Variants in DYNC2H1 observed in about 807,000 individuals in gnomAD.
DYNC2H1 encodes cytoplasmic dynein 2 heavy chain 1.
Under a neutral mutation model 570.0 loss-of-function variants are expected in DYNC2H1, and 410 were observed. That is an observed-to-expected ratio of 0.72 (90% CI 0.66 to 0.78). The LOEUF (loss-of-function observed/expected upper bound fraction) is 0.78. Among genes scored for constraint, DYNC2H1 ranks in the 30% least tolerant of loss-of-function variants. The probability of loss-of-function intolerance (pLI) is 0.00; values close to 1 mark genes in which losing one functional copy is unlikely to be tolerated. For synonymous variants in DYNC2H1, 1,688 were observed against 1,677.6 expected, an observed-to-expected ratio of 1.01 and a Z score of -0.15; for missense variants, 4,865 against 5,046.4, an observed-to-expected ratio of 0.96 and a Z score of 1.09.
chr11:103,137,649 G>C (rs944147764), intron 17 of DYNC2H1, among the ~76,000 whole-genome samples: 13 of 152,026 alleles, frequency 8.6e-5, no homozygotes, highest in Non-Finnish European at 4.4e-5. Flanking sequence ...ATAGTTTGAA[G>C]TCAGGTAGCG....
intron 83 of DYNC2H1, among the ~76,000 whole-genome samples, chr11:103,390,880 G>A (rs1298386400): frequency 6.6e-6 from 1 of 152,256 alleles, no homozygotes; most frequent in South Asian, 2.1e-4. Context: ...TTAGTCTGAT[G>A]GGCTTCCCTT....
rs112514867 is a variant in DYNC2H1 at position 103,264,426 on chromosome 11, C to T, written c.10695+4449C>T. ...AAAAAAGAAAATTTCAGGCCAATATCGCTGATGAACATTGATTAGAAAATC... is the reference window on the plus strand; with the variant it reads ...AAAAAAGAAAATTTCAGGCCAATATTGCTGATGAACATTGATTAGAAAATC... On this transcript the variant is annotated intron_variant, in intron 70 of 88. Transcript: ENST00000375735. The surrounding 1 kb of genome is among the most constrained non-coding windows in gnomAD (Gnocchi z 4.8). 6.6e-6 allele frequency among the ~76,000 whole-genome samples: 1 copy of T among 152,254 alleles called. No individual in the cohort carries two copies. The highest frequency in any genetic ancestry group is 2.4e-5 in the African/African-American group (1 of 41,540).
chr11:103,367,735 TTGTTGAACAACC>T (rs1243181756), intron 83 of DYNC2H1, among the ~76,000 whole-genome samples: 1 of 152,160 alleles, frequency 6.6e-6, no homozygotes, highest in African/African-American at 2.4e-5. Flanking sequence ...AACTTTGTAC[TTGTTGAACAACC>T]TCTTTTTATC....
rs1276261786 is a variant in DYNC2H1, at chr11:103,254,559, GTTACT to G, written c.10207-852_10207-848del. Among the ~76,000 whole-genome samples the G allele has an allele frequency of 6.6e-6, 1 of 152,064 alleles. No homozygotes were observed. Among genetic ancestry groups the G allele is most frequent in the African/African-American group, 2.4e-5 (1 of 41,408 alleles). Reference sequence around the variant, plus strand: ...TTTAGTGGAATTGCTGGGTCTTATGGTTACTTTATATTTGGCAATTTGAGAAACAA... The same window carrying G: ...TTTAGTGGAATTGCTGGGTCTTATGGTTATATTTGGCAATTTGAGAAACAA... On this transcript the variant is annotated intron_variant, in intron 66 of 88. Coordinates refer to ENST00000375735, the MANE Select transcript of DYNC2H1 (RefSeq NM_001377.3). This position sits in a 1 kb window ranked among gnomAD's most constrained non-coding sequence, Gnocchi z 4.9.
chr11:103,238,030 T>C (rs1188713300), intron 63 of DYNC2H1, among the ~76,000 whole-genome samples: 1 of 152,132 alleles, frequency 6.6e-6, no homozygotes, highest in Non-Finnish European at 1.5e-5. Flanking sequence ...ATTAGTTATT[T>C]CGTTGAAATG....
intron 71 of DYNC2H1, among the ~76,000 whole-genome samples, chr11:103,281,277 G>C (rs1016089943): frequency 6.6e-6 from 1 of 151,954 alleles, no homozygotes; most frequent in African/African-American, 2.4e-5. Flanking sequence ...ATTTGGTCCA[G>C]TTTATTCCTG....
intron 83 of DYNC2H1, among the ~76,000 whole-genome samples, chr11:103,360,126 A>C (rs1333980936): frequency 6.6e-6 from 1 of 152,136 alleles, no homozygotes; most frequent in African/African-American, 2.4e-5. Flanking sequence ...ATGTGGCCAG[A>C]AGGACAAATT....
Position 103,303,064 on chromosome 11 carries a change from A to C in DYNC2H1, c.11096-29A>C, listed in dbSNP as rs4754906. Reference sequence around the variant, plus strand: ...CTTTTTAATAATGCATACTGCTTTTATTTTTAATTTTTAAAATATATATTT... The same window carrying C: ...CTTTTTAATAATGCATACTGCTTTTCTTTTTAATTTTTAAAATATATATTT... On this transcript the variant is annotated intron_variant, in intron 75 of 88. Transcript: ENST00000375735. 213,152 of 1,392,942 alleles carry C rather than the reference A, an allele frequency of 0.15. 17,495 individuals carry two copies. Among genetic ancestry groups the C allele is most frequent in the Admixed American group, 0.28 (9,511 of 34,218 alleles). The allele number at this position is 1,392,942 out of a possible 1,614,324, so 86.3% of individuals were successfully genotyped here. A position where few individuals can be genotyped will look rare whatever the true frequency, so the allele number is the denominator to read the frequency against.
chr11:103,342,153 TTCTG>T (rs1939473578), intron 82 of DYNC2H1, among the ~76,000 whole-genome samples: 1 of 152,078 alleles, frequency 6.6e-6, no homozygotes, highest in Non-Finnish European at 1.5e-5. Flanking sequence ...TGGAAAACTT[TTCTG>T]TCTTACAAGA....
intron 59 of DYNC2H1, among the ~76,000 whole-genome samples, chr11:103,225,243 G>A (rs1469737903): frequency 6.6e-6 from 1 of 152,036 alleles, no homozygotes; most frequent in African/African-American, 2.4e-5. Flanking sequence ...TATGCAGAAG[G>A]ATTTTAGTTT....
rs931201327 is a variant in DYNC2H1 at position 103,319,196 on chromosome 11, T to C, written c.11726-1833T>C. ...TTAATAGCATTGTAAGACATAGATA[T>C]ATAAATAGGTATCTTACACCATTAT... On this transcript the variant is annotated intron_variant, in intron 80 of 88. Coordinates refer to ENST00000375735, the MANE Select transcript of DYNC2H1 (RefSeq NM_001377.3). The surrounding 1 kb of genome is among the most constrained non-coding windows in gnomAD (Gnocchi z 4.3). 3.3e-5 allele frequency among the ~76,000 whole-genome samples: 5 copies of C among 152,174 alleles called. No individual in the cohort carries two copies. Among genetic ancestry groups the C allele is most frequent in the East Asian group, 1.9e-4 (1 of 5,202 alleles).
At chr11:103,477,012 G>A (rs1001960176) in intron 88 of DYNC2H1, among the ~76,000 whole-genome samples, 2 of 151,980 alleles carry the variant, frequency 1.3e-5, no homozygotes, top group African/African-American at 4.8e-5. Flanking sequence ...TATATCTGGA[G>A]CTCTTTAATA....
intron 87 of DYNC2H1, among the ~76,000 whole-genome samples, chr11:103,463,697 G>A (rs1945096689): frequency 6.6e-6 from 1 of 152,200 alleles, no homozygotes; most frequent in African/African-American, 2.4e-5. Context: ...GCTGCAGTGA[G>A]TCATGATCAT....
At chr11:103,287,018 C>G (rs977397564) in intron 74 of DYNC2H1, among the ~76,000 whole-genome samples, 21 of 152,110 alleles carry the variant, frequency 1.4e-4, no homozygotes, top group African/African-American at 5.1e-4. Flanking sequence ...ATGCATGAAT[C>G]AGTAGTCCCA....
intron 66 of DYNC2H1, 83 bp downstream of exon 66, chr11:103,253,531 T>G: frequency 1.8e-5 from 23 of 1,291,424 alleles, no homozygotes; most frequent in Non-Finnish European, 2.3e-5. Context: ...GAAGCTATTT[T>G]GTTAGACTAA....
Position 103,264,340 on chromosome 11 carries a change from A to G in DYNC2H1, c.10695+4363A>G, listed in dbSNP as rs1865427617. Among the ~76,000 whole-genome samples, 1 of 152,154 alleles carries G rather than the reference A, an allele frequency of 6.6e-6. No homozygotes were observed. Among genetic ancestry groups the G allele is most frequent in the Non-Finnish European group, 1.5e-5 (1 of 68,014 alleles). Reference sequence around the variant, plus strand: ...ATGCAATAGAAAAAGAGGGACCCCTACCTAACTCATTTTATGAGACCAGGA... The same window carrying G: ...ATGCAATAGAAAAAGAGGGACCCCTGCCTAACTCATTTTATGAGACCAGGA... On this transcript the variant is annotated intron_variant, in intron 70 of 88. Coordinates refer to ENST00000375735, the MANE Select transcript of DYNC2H1 (RefSeq NM_001377.3). This position sits in a 1 kb window ranked among gnomAD's most constrained non-coding sequence, Gnocchi z 4.8.
chr11:103,431,861 A>G (rs1943904574), intron 84 of DYNC2H1, among the ~76,000 whole-genome samples: 2 of 152,092 alleles, frequency 1.3e-5, no homozygotes, highest in Admixed American at 1.3e-4. Context: ...CAACTTTTGA[A>G]GTATTGGTTG....
Position 103,479,090 on chromosome 11 carries a change from A to C in DYNC2H1, c.12766-5A>C. 6.2e-7 allele frequency: 1 copy of C among 1,613,358 alleles called. No homozygotes were observed. Among genetic ancestry groups the C allele is most frequent in the African/African-American group, 1.3e-5 (1 of 75,034 alleles). Reference sequence around the variant, plus strand: ...TTATTTTAAAACAAGTTATTTTTTAAACAGGATGCATGTGGTCCATATTCT... The same window carrying C: ...TTATTTTAAAACAAGTTATTTTTTACACAGGATGCATGTGGTCCATATTCT... On this transcript the variant is annotated splice_region_variant and splice_polypyrimidine_tract_variant and intron_variant, in intron 88 of 88. Transcript: ENST00000375735.
intron 77 of DYNC2H1, among the ~76,000 whole-genome samples, chr11:103,306,646 G>A (rs1867296407): frequency 6.6e-6 from 1 of 151,714 alleles, no homozygotes; most frequent in Non-Finnish European, 1.5e-5. Flanking sequence ...ATGTTTTTAG[G>A]GCCATTCTTT....
Sources: gnomAD v4.1 joint callset for allele counts (sites outside exome capture counted in the v4.1 genomes callset) on GRCh38, gnomAD v4.1.1 for gene constraint, Gnocchi (gnomAD v3.1) non-coding constraint, MANE v1.5 for transcripts, NCBI Gene and HGNC (gene_info 2026-07-23, HGNC 2026-07-21) for gene names.